The following MLIP variants were observed in gnomAD, a reference collection of about 807,000 sequenced individuals.
The protein encoded by MLIP is muscular LMNA interacting protein.
In MLIP, 79 loss-of-function variants were observed where a neutral mutation model predicts 84.8. That is an observed-to-expected ratio of 0.93 (90% confidence interval 0.78 to 1.12). The LOEUF is 1.12. Among genes scored for constraint, MLIP ranks in the 50% most tolerant of loss-of-function variants. The probability of loss-of-function intolerance (pLI) is 0.00; values close to 1 mark genes in which losing one functional copy is unlikely to be tolerated. For missense variants in MLIP, 1,257 were observed against 1,160.6 expected (o/e 1.08, Z -1.21); for synonymous variants, 504 against 463.0 (o/e 1.09, Z -1.14).
At chr6:54,170,725 C>T (rs1775682622) in intron 9 of MLIP, among the ~76,000 whole-genome samples, 1 of 151,500 alleles carries the variant, frequency 6.6e-6, no homozygotes, top group Non-Finnish European at 1.5e-5. Context: ...TTTGTATTAG[C>T]TAATCTATGA....
In MLIP at chr6:54,137,254, G is replaced by A. The variant is rs1194457654; in HGVS notation, c.1185G>A (p.Met395Ile). Residue 395 changes from methionine to isoleucine, a missense_variant, in exon 4 of 14, where the codon ATG becomes ATA. Physicochemically the swap from Met to Ile is conservative, Grantham distance 10. Coordinates refer to ENST00000502396, the MANE Select transcript of MLIP (RefSeq NM_001281747.2). ...CTTCTTCCACCATCTGCAGCCAAAT[G>A]TCATCTAGTGGAAATCTTTCAAAGT... is the stretch of plus-strand genomic sequence containing the variant. ...HGSSSTICSQ[M>I]SSSGNLSKSG... The A allele has an allele frequency of 1.2e-5, 18 of 1,535,878 alleles. No individual in the cohort carries two copies. Among genetic ancestry groups the A allele is most frequent in the Non-Finnish European group, 1.5e-5 (17 of 1,146,896 alleles).
chr6:54,028,627 C>T (rs1202976298), intron 1 of MLIP, among the ~76,000 whole-genome samples: 1 of 152,136 alleles, frequency 6.6e-6, no homozygotes, highest in East Asian at 1.9e-4. Context: ...GGAATTCTGG[C>T]ATGTTTTGTT....
chr6:54,137,893 G>T lies in MLIP; in HGVS notation c.1824G>T (p.Glu608Asp). The stretch of plus-strand genomic sequence containing the variant: ...AAAGAGCTACGTTCTCTTCTTCAGA[G>T]AAATGTTTCCATCCTTCCCCAGCTC... The part of the protein sequence containing the change: ...INQRATFSSS[E>D]KCFHPSPALS... Residue 608 changes from glutamate to aspartate, a missense_variant, in exon 4 of 14, where the codon GAG becomes GAT. Coordinates refer to ENST00000502396, the MANE Select transcript of MLIP (RefSeq NM_001281747.2). 4 of 1,536,090 alleles carry T rather than the reference G, an allele frequency of 2.6e-6. No homozygotes were observed. The highest frequency in any genetic ancestry group is 1.2e-5 in the South Asian group (1 of 84,056).
At chr6:54,232,151 T>A (rs1373495435) in intron 12 of MLIP, among the ~76,000 whole-genome samples, 3 of 152,086 alleles carry the variant, frequency 2.0e-5, no homozygotes, top group Non-Finnish European at 4.4e-5. Context: ...TGAAATTCTT[T>A]CTGATTTAAT....
intron 11 of MLIP, among the ~76,000 whole-genome samples, chr6:54,207,410 C>CA (rs1491372072): frequency 7.5e-5 from 4 of 53,388 alleles, no homozygotes; most frequent in Non-Finnish European, 1.3e-4. Context: ...CACCTCTGCA[C>CA]CCCCCCCCCC....
At chr6:54,127,153 T>A (rs1225634395) in intron 3 of MLIP, among the ~76,000 whole-genome samples, 2 of 152,186 alleles carry the variant, frequency 1.3e-5, no homozygotes, top group Non-Finnish European at 2.9e-5. Flanking sequence ...CTCTTAAAGA[T>A]GTTCCCTTTG....
At chr6:54,136,278 T>A (rs1771788175) in intron 3 of MLIP, among the ~76,000 whole-genome samples, 1 of 152,158 alleles carries the variant, frequency 6.6e-6, no homozygotes, top group African/African-American at 2.4e-5. Flanking sequence ...TGTGTTAAAG[T>A]TTTTTTAAGA....
intron 1 of MLIP, among the ~76,000 whole-genome samples, chr6:54,038,892 C>T (rs1038572692): frequency 6.6e-6 from 1 of 151,864 alleles, no homozygotes; most frequent in African/African-American, 2.4e-5. Flanking sequence ...TAAGTAACCA[C>T]ATTTACTTTT....
Position 54,103,589 on chromosome 6 carries a change from C to T in MLIP, c.64-17858C>T, listed in dbSNP as rs111812537. ...TTGCACACACAATTTGTTGGCTCTA[C>T]TCCTGTGTTCCTCTCTATGTAATTC... On this transcript the variant is annotated intron_variant, in intron 1 of 12. Transcript: ENST00000274897. Among the ~76,000 whole-genome samples the T allele has an allele frequency of 4.7e-4, 72 of 152,298 alleles. 3 individuals are homozygous for T. The highest frequency in any genetic ancestry group is 1.7e-3 in the African/African-American group (71 of 41,570).
At chr6:54,191,109 T>A (rs1365900316) in intron 10 of MLIP, among the ~76,000 whole-genome samples, 1 of 152,108 alleles carries the variant, frequency 6.6e-6, no homozygotes, top group East Asian at 1.9e-4. Context: ...ATTTTCTTAA[T>A]ATCTTTGGCT....
At chr6:54,099,857 AT>A (rs1768512172) in intron 1 of MLIP, among the ~76,000 whole-genome samples, 1 of 152,170 alleles carries the variant, frequency 6.6e-6, no homozygotes, top group African/African-American at 2.4e-5. Context: ...ATACAGCTTC[AT>A]TTTATGAAGA....
intron 12 of MLIP, among the ~76,000 whole-genome samples, chr6:54,240,071 C>T (rs1781632471): frequency 6.6e-6 from 1 of 152,062 alleles, no homozygotes; most frequent in Non-Finnish European, 1.5e-5. Flanking sequence ...TTGTTGTATG[C>T]CTATACTTGA....
chr6:54,227,666 A>G (rs922592262), intron 11 of MLIP, among the ~76,000 whole-genome samples: 2 of 152,238 alleles, frequency 1.3e-5, no homozygotes, highest in African/African-American at 4.8e-5. Context: ...ACTGGACAAT[A>G]AAATAATCCA....
At chr6:54,260,985 A>C (rs1321490842) in intron 13 of MLIP, among the ~76,000 whole-genome samples, 2 of 151,916 alleles carry the variant, frequency 1.3e-5, no homozygotes, top group Non-Finnish European at 2.9e-5. Flanking sequence ...AATTGATTTG[A>C]CCATTGTGTC....
At chr6:54,133,464 T>C (rs1266446515) in intron 3 of MLIP, among the ~76,000 whole-genome samples, 1 of 152,126 alleles carries the variant, frequency 6.6e-6, no homozygotes, top group Non-Finnish European at 1.5e-5. Flanking sequence ...CATGTAGCTG[T>C]ACAGATTCAG....
At chr6:54,126,263 T>C (rs193027660) in intron 3 of MLIP, among the ~76,000 whole-genome samples, 54 of 152,222 alleles carry the variant, frequency 3.5e-4, no homozygotes, top group Non-Finnish European at 4.0e-4. Context: ...AAAGCAATTG[T>C]TGGGTCTTTG....
intron 1 of MLIP, among the ~76,000 whole-genome samples, chr6:54,105,209 A>G (rs1768923699): frequency 6.6e-6 from 1 of 152,152 alleles, no homozygotes; most frequent in Admixed American, 6.5e-5. Context: ...CTCTTCCTGC[A>G]TGCATTTGTG....
At chr6:54,121,358 A>C (rs1770433414) in intron 1 of MLIP, 89 bp from the exon 2 acceptor site, 2 of 1,370,310 alleles carry the variant, frequency 1.5e-6, no homozygotes, top group African/African-American at 1.5e-5. Flanking sequence ...TCATCAAAAT[A>C]AATGAGATAA....
chr6:54,227,521 C>A (rs1024964427), intron 11 of MLIP, among the ~76,000 whole-genome samples: 1 of 152,164 alleles, frequency 6.6e-6, no homozygotes, highest in Admixed American at 6.5e-5. Context: ...GATATACCCA[C>A]GCCAAAGCGC....
Sources: gnomAD v4.1 joint callset for allele counts (sites outside exome capture counted in the v4.1 genomes callset) on GRCh38, gnomAD v4.1.1 for gene constraint, MANE v1.5 for transcripts, NCBI Gene and HGNC (gene_info 2026-07-23, HGNC 2026-07-21) for gene names.